ANKRD44: variants seen among roughly 807,000 people sequenced by gnomAD.
ANKRD44 encodes the protein serine/threonine-protein phosphatase 6 regulatory ankyrin repeat subunit B.
ANKRD44 carries 35 observed loss-of-function variants against 116.0 expected under a neutral mutation model. That is an observed-to-expected ratio of 0.30 (90% CI 0.23 to 0.40). ANKRD44 has a LOEUF of 0.40. ANKRD44 is among the 10% of genes least tolerant of loss of function. ANKRD44 has a pLI of 1.00. For synonymous variants in ANKRD44, 435 were observed against 461.8 expected (o/e 0.94, Z 0.74); for missense variants, 1,014 against 1,242.6 (o/e 0.82, Z 2.77).
At chr2:196,969,997 T>G (rs2075704238) in intron 21 of ANKRD44, among the ~76,000 whole-genome samples, 1 of 152,146 alleles carries the variant, frequency 6.6e-6, no homozygotes, top group South Asian at 2.1e-4. Context: ...AAGATCCCCC[T>G]AATAGGGACT....
chr2:197,047,604 A>G (rs1489809908), intron 16 of ANKRD44, among the ~76,000 whole-genome samples: 1 of 152,066 alleles, frequency 6.6e-6, no homozygotes, highest in Admixed American at 6.6e-5. Flanking sequence ...TCCAAAACAG[A>G]GAGGGGGAAT....
chr2:197,278,964 G>C (rs1400281622), intron 1 of ANKRD44, among the ~76,000 whole-genome samples: 2 of 152,342 alleles, frequency 1.3e-5, no homozygotes, highest in African/African-American at 4.8e-5. Flanking sequence ...TGTGCAGTCA[G>C]CAGTTCTCCA....
intron 15 of ANKRD44, among the ~76,000 whole-genome samples, chr2:197,081,049 T>C (rs1184263820): frequency 1.3e-5 from 2 of 152,162 alleles, no homozygotes; most frequent in Non-Finnish European, 2.9e-5. Context: ...GAGGTTCCCG[T>C]GCATCTACAG....
intron 1 of ANKRD44, among the ~76,000 whole-genome samples, chr2:197,230,813 G>T (rs554931944): frequency 3.9e-5 from 6 of 152,022 alleles, no homozygotes; most frequent in African/African-American, 1.5e-4. Context: ...ACCATCTCCC[G>T]GGACCCCAGG....
intron 1 of ANKRD44, among the ~76,000 whole-genome samples, chr2:197,232,288 G>A (rs2081883227): frequency 6.6e-6 from 1 of 152,144 alleles, no homozygotes; most frequent in Admixed American, 6.5e-5. Context: ...TCCGAGCCCT[G>A]TATAAGCATC....
chr2:197,064,304 C>T (rs192407762), intron 16 of ANKRD44, among the ~76,000 whole-genome samples: 1 of 152,080 alleles, frequency 6.6e-6, no homozygotes, highest in Admixed American at 6.5e-5. Context: ...GAAGGAAGCA[C>T]TAAACATGGA....
At chr2:197,114,268 T>G (rs76111397) in intron 8 of ANKRD44, among the ~76,000 whole-genome samples, 6,286 of 152,284 alleles carry the variant, frequency 0.041, 155 homozygotes, top group Middle Eastern at 0.078. Context: ...TATGAAAATT[T>G]TTTTCTTAAT....
At chr2:197,041,407 A>T (rs557886097) in intron 16 of ANKRD44, among the ~76,000 whole-genome samples, 40 of 152,184 alleles carry the variant, frequency 2.6e-4, no homozygotes, top group African/African-American at 9.2e-4. Context: ...CTTCCTGGGC[A>T]TCTGTCTCTC....
At chr2:197,080,602 G>T (rs1574417591) in intron 15 of ANKRD44, among the ~76,000 whole-genome samples, 1 of 152,080 alleles carries the variant, frequency 6.6e-6, no homozygotes, top group Non-Finnish European at 1.5e-5. Context: ...TAAATTTGGG[G>T]GTATTAAAGC....
At chr2:197,241,870 A>C (rs901493868) in intron 1 of ANKRD44, among the ~76,000 whole-genome samples, 1 of 152,158 alleles carries the variant, frequency 6.6e-6, no homozygotes, top group Non-Finnish European at 1.5e-5. Context: ...TCTGCTAATA[A>C]ATAAGCCAAA....
chr2:197,268,848 C>T (rs2082810135), intron 1 of ANKRD44, among the ~76,000 whole-genome samples: 1 of 152,136 alleles, frequency 6.6e-6, no homozygotes, highest in African/African-American at 2.4e-5. Flanking sequence ...GCCTCCCTAA[C>T]ACTGGGGAAA....
downstream of ANKRD44, among the ~76,000 whole-genome samples, chr2:196,986,466 T>C (rs1162836711): frequency 2.0e-5 from 3 of 152,156 alleles, no homozygotes; most frequent in African/African-American, 7.2e-5. Flanking sequence ...GAAGCATAAA[T>C]ACATATAATA....
intron 1 of ANKRD44, among the ~76,000 whole-genome samples, chr2:197,230,946 C>T (rs1014118450): frequency 1.3e-5 from 2 of 152,152 alleles, no homozygotes; most frequent in Non-Finnish European, 2.9e-5. Flanking sequence ...TTGGCCAGAA[C>T]TCAGTCTTCT....
chr2:197,029,639 T>C, intron 16 of ANKRD44: 1 of 355,438 alleles, frequency 2.8e-6, no homozygotes, highest in Non-Finnish European at 5.4e-6. Flanking sequence ...CTGAAGGCCT[T>C]CATGGTACCA....
intron 1 of ANKRD44, among the ~76,000 whole-genome samples, chr2:197,268,831 C>A (rs1376491785): frequency 6.6e-6 from 1 of 152,176 alleles, no homozygotes. Flanking sequence ...GCTTTCATCC[C>A]TAAGATGCCT....
chr2:197,186,437 C>T (rs971490722), intron 2 of ANKRD44, among the ~76,000 whole-genome samples: 22 of 151,854 alleles, frequency 1.4e-4, no homozygotes, highest in African/African-American at 4.8e-4. Flanking sequence ...TATGCTCACT[C>T]TTAGATCTTC....
At chr2:197,192,838 T>A (rs546068918) in intron 1 of ANKRD44, among the ~76,000 whole-genome samples, 6 of 152,330 alleles carry the variant, frequency 3.9e-5, no homozygotes, top group African/African-American at 1.4e-4. Flanking sequence ...AATCTGTTCC[T>A]CTTAAGTACC....
intron 16 of ANKRD44, among the ~76,000 whole-genome samples, chr2:197,067,053 C>T (rs964473746): frequency 1.3e-5 from 2 of 152,134 alleles, no homozygotes; most frequent in Non-Finnish European, 2.9e-5. Context: ...GCTACAGTAA[C>T]CAAAACAGCA....
In ANKRD44 at chr2:197,162,278, G is replaced by C. The variant is rs566304259; in HGVS notation, c.112-15173C>G. 2.6e-5 allele frequency among the ~76,000 whole-genome samples: 4 copies of C among 152,256 alleles called. No homozygotes were observed. In the South Asian group the frequency reaches 8.3e-4, roughly 32 times the overall value. Reference sequence around the variant, plus strand: ...GATTTTCTCTTCCCACCCTAAATGTGACAAGACATTGAGGCTTCATTCCCT... The same window carrying C: ...GATTTTCTCTTCCCACCCTAAATGTCACAAGACATTGAGGCTTCATTCCCT... On this transcript the variant is annotated intron_variant, in intron 2 of 27. Coordinates refer to ENST00000282272, the MANE Select transcript of ANKRD44 (RefSeq NM_001195144.2).
Sources: allele counts gnomAD v4.1 joint callset (sites outside exome capture counted in the v4.1 genomes callset), GRCh38; gene constraint gnomAD v4.1.1; transcripts MANE v1.5; gene names NCBI Gene and HGNC (gene_info 2026-07-23, HGNC 2026-07-21).